Variants in NFIC observed in about 807,000 individuals in gnomAD.
NFIC encodes the protein nuclear factor 1 C-type.
NFIC carries 12 observed loss-of-function variants against 54.4 expected under a neutral mutation model. That is an observed-to-expected ratio of 0.22 (90% CI 0.14 to 0.36). NFIC has a LOEUF of 0.36. Ranked by LOEUF, NFIC falls within the 10% of genes least tolerant of loss-of-function variation. The pLI, the probability that NFIC is intolerant of heterozygous loss-of-function variation, is 1.00. For missense variants in NFIC, 575 were observed against 718.2 expected, an observed-to-expected ratio of 0.80 and a Z score of 2.28; for synonymous variants, 322 against 319.2, an observed-to-expected ratio of 1.01 and a Z score of -0.09.
chr19:3,374,372 G>A (rs1228334322), intron 1 of NFIC, among the ~76,000 whole-genome samples: 2 of 152,210 alleles, frequency 1.3e-5, no homozygotes, highest in Non-Finnish European at 2.9e-5. Context: ...CACCTTGCAA[G>A]GAACAAGGTC....
chr19:3,392,253 G>A (rs1368064319), intron 2 of NFIC, among the ~76,000 whole-genome samples: 1 of 151,968 alleles, frequency 6.6e-6, no homozygotes. Flanking sequence ...GGTATTTTTA[G>A]TAGAGCGGGG....
intron 2 of NFIC, among the ~76,000 whole-genome samples, chr19:3,385,668 G>A (rs2081285970): frequency 6.7e-6 from 1 of 149,604 alleles, no homozygotes; most frequent in South Asian, 2.2e-4. Flanking sequence ...TGCCTCCCGG[G>A]TTCAAGCAAT....
chr19:3,371,998 CCTCTCTCTCTCTCTCTCTCTCTCTCT>C (rs56852086), intron 1 of NFIC, among the ~76,000 whole-genome samples: 6 of 35,370 alleles, frequency 1.7e-4, no homozygotes, highest in Admixed American at 8.6e-4. Context: ...CCTCTCTCTC[CCTCTCTCTCTCTCTCTCTCTCTCTCT>C]CTCTCTCTCT....
rs959205838 is a variant in NFIC at position 3,464,028 on chromosome 19, G to A, written c.*1259G>A. 16 of 985,270 alleles carry A rather than the reference G, an allele frequency of 1.6e-5. No individual in the cohort carries two copies. Among genetic ancestry groups the A allele is most frequent in the Non-Finnish European group, 1.9e-5 (16 of 829,982 alleles). 61.0% of individuals were successfully genotyped at this position (985,270 alleles called of 1,614,324 possible). On this transcript the variant is annotated 3_prime_UTR_variant, in exon 11 of 11. Coordinates refer to ENST00000443272, the MANE Select transcript of NFIC (RefSeq NM_001245002.2). ...CAGAGCTGGGCGTCACTTCGCAAGC[G>A]TCCTGCCCTGCCGGGGCGCGGGGGT... is the stretch of plus-strand genomic sequence containing the variant.
At chr19:3,373,619 C>CCCT (rs2081058771) in intron 1 of NFIC, among the ~76,000 whole-genome samples, 2 of 99,452 alleles carry the variant, frequency 2.0e-5, no homozygotes, top group Non-Finnish European at 4.4e-5. Flanking sequence ...CTTCCTGGAC[C>CCCT]CCCCCCCCAA....
intron 1 of NFIC, among the ~76,000 whole-genome samples, chr19:3,361,247 G>T (rs773858712): frequency 6.6e-6 from 1 of 152,198 alleles, no homozygotes; most frequent in Non-Finnish European, 1.5e-5. Context: ...AGAGGGGCGG[G>T]GCGGCAGGGG....
rs1201781712 is a variant in NFIC, at chr19:3,437,204, A to T, written c.958+1997A>T. ...AACACAGTGAAACCCCGTCTCTACT[A>T]AAAATACAAAAAAAATAGCCGGGCG... On this transcript the variant is annotated intron_variant, in intron 6 of 10. Transcript: ENST00000443272. 2.0e-5 allele frequency among the ~76,000 whole-genome samples: 3 copies of T among 151,938 alleles called. No homozygotes were observed. The East Asian group carries it at 5.8e-4, about 29-fold the overall frequency.
rs60871309 is a variant in NFIC, at chr19:3,372,712, T to TGG, written c.30+6052_30+6053dup. Among the ~76,000 whole-genome samples, 4 of 126,262 alleles carry TGG rather than the reference T, an allele frequency of 3.2e-5. 1 individual carries two copies. The highest frequency in any genetic ancestry group is 4.9e-5 in the Non-Finnish European group (3 of 61,026). 82.8% of individuals were successfully genotyped at this position (126,262 alleles called of 152,430 possible). On this transcript the variant is annotated intron_variant, in intron 1 of 10. Transcript: ENST00000443272. Reference sequence around the variant, plus strand: ...TTGCTCAAGGGGCCCAGGAGTGGGGTGGGGGGGTGCCAGGAGGCCCAGGGA... The same window carrying TGG: ...TTGCTCAAGGGGCCCAGGAGTGGGGTGGGGGGGGGTGCCAGGAGGCCCAGGGA...
chr19:3,469,096 T>G lies in NFIC; in HGVS notation c.*6327T>G, dbSNP rs544324657. 1.5e-5 allele frequency: 2 copies of G among 135,006 alleles called. No individual in the cohort carries two copies. The highest frequency in any genetic ancestry group is 5.6e-5 in the African/African-American group (2 of 35,726). 8.4% of individuals were successfully genotyped at this position (135,006 alleles called of 1,614,324 possible). A position where few individuals can be genotyped will look rare whatever the true frequency, so the allele number is the denominator to read the frequency against. On this transcript the variant is annotated 3_prime_UTR_variant, in exon 11 of 11. Coordinates refer to ENST00000443272, the MANE Select transcript of NFIC (RefSeq NM_001245002.2). ...CATTATTTTGTTTATTTGTTCCCTA[T>G]GCAAAAAAAAAATGAAAATGAAAAA...
chr19:3,373,627 C>CA (rs1568401812), intron 1 of NFIC, among the ~76,000 whole-genome samples: 4 of 118,022 alleles, frequency 3.4e-5, no homozygotes, highest in Non-Finnish European at 6.9e-5. Context: ...ACCCCCCCCC[C>CA]AAGCTAAAAA....
intron 2 of NFIC, among the ~76,000 whole-genome samples, chr19:3,397,376 C>T (rs570056913): frequency 6.6e-6 from 1 of 152,238 alleles, no homozygotes; most frequent in East Asian, 1.9e-4. Flanking sequence ...TTTGGGCCTA[C>T]AGGGCTTTGG....
intron 10 of NFIC, 130 bp downstream of exon 10, chr19:3,456,765 ACCCC>A (rs1022477491): frequency 2.2e-6 from 2 of 901,080 alleles, no homozygotes; most frequent in African/African-American, 3.4e-5. Flanking sequence ...AGCCTCCCAC[ACCCC>A]ACCTGGGCCT....
chr19:3,387,494 T>TC (rs2081315297), intron 2 of NFIC, among the ~76,000 whole-genome samples: 1 of 151,562 alleles, frequency 6.6e-6, no homozygotes, highest in African/African-American at 2.4e-5. Context: ...AGACTCTGTC[T>TC]CAAAAAATAA....
chr19:3,448,372 C>T (rs966220256), intron 6 of NFIC, among the ~76,000 whole-genome samples: 1 of 152,204 alleles, frequency 6.6e-6, no homozygotes, highest in African/African-American at 2.4e-5. Context: ...TGTGCCTGGC[C>T]TCTGTTTCTT....
intron 2 of NFIC, among the ~76,000 whole-genome samples, chr19:3,422,455 C>T (rs1007121506): frequency 4.0e-5 from 6 of 151,636 alleles, no homozygotes; most frequent in Middle Eastern, 3.4e-3. Context: ...CGGTGGCTCA[C>T]GCCTGTAATC....
At chr19:3,359,657 C>G in exon 1 of NFIC, 3 of 1,393,404 alleles carry the variant, frequency 2.2e-6, no homozygotes, top group Non-Finnish European at 2.8e-6. Flanking sequence ...GCTCCGGCGC[C>G]GGCCTCGCCT....
chr19:3,366,093 G>A (rs542680184), upstream of NFIC, among the ~76,000 whole-genome samples: 5 of 151,816 alleles, frequency 3.3e-5, no homozygotes, highest in Admixed American at 2.0e-4. Flanking sequence ...TGATGGGGGG[G>A]TGGGGAGGGG....
chr19:3,405,698 C>T (rs548587916), intron 2 of NFIC, among the ~76,000 whole-genome samples: 84 of 151,928 alleles, frequency 5.5e-4, no homozygotes, highest in African/African-American at 2.0e-3. Context: ...CTCCTGAGTT[C>T]AAGCGATTCT....
intron 3 of NFIC, among the ~76,000 whole-genome samples, chr19:3,432,923 G>C (rs962475661): frequency 6.6e-6 from 1 of 151,954 alleles, no homozygotes; most frequent in African/African-American, 2.4e-5. Flanking sequence ...TCCCGCCTCG[G>C]CCTCCCAAAG....
Sources: allele counts gnomAD v4.1 joint callset (sites outside exome capture counted in the v4.1 genomes callset), GRCh38; gene constraint gnomAD v4.1.1; transcripts MANE v1.5; gene names NCBI Gene and HGNC (gene_info 2026-07-23, HGNC 2026-07-21).